IL3RA: variants seen among roughly 807,000 people sequenced by gnomAD.
The protein encoded by IL3RA is interleukin 3 receptor subunit alpha, also known as interleukin-3 receptor subunit alpha.
Under a neutral mutation model 52.3 loss-of-function variants are expected in IL3RA, and 73 were observed. The ratio of observed to expected loss-of-function variants is 1.40; its 90% CI spans 1.16 to 1.70. The LOEUF (loss-of-function observed/expected upper bound fraction) is 1.70. Among genes scored for constraint, IL3RA ranks in the 40% most tolerant of loss-of-function variants. The pLI, the probability that IL3RA is intolerant of heterozygous loss-of-function variation, is 0.00. For missense variants in IL3RA, 664 were observed against 504.4 expected (o/e 1.32, Z -3.03); for synonymous variants, 260 against 194.0 (o/e 1.34, Z -2.83).
At chrX:1,348,728 C>A (rs866980153) in intron 4 of IL3RA, among the ~76,000 whole-genome samples, 183 bp downstream of exon 4, 1 of 57,164 alleles carries the variant, frequency 1.7e-5, no homozygotes, top group South Asian at 5.0e-4. Flanking sequence ...TTCTTCCTTT[C>A]TTTTTCTTTC....
intron 10 of IL3RA, 41 bp downstream of exon 10, chrX:1,378,805 G>C (rs1326989718): frequency 2.6e-6 from 4 of 1,526,620 alleles, no homozygotes; most frequent in African/African-American, 2.7e-5. Context: ...CTTGTTTCCA[G>C]TGTGACCCTG....
chrX:1,377,770 A>T (rs1490198463), intron 9 of IL3RA, among the ~76,000 whole-genome samples: 1 of 147,144 alleles, frequency 6.8e-6, no homozygotes. Flanking sequence ...GGCTCAAGCG[A>T]TCCTCTCGGG....
intron 2 of IL3RA, among the ~76,000 whole-genome samples, chrX:1,343,547 A>G (rs1338108090): frequency 3.3e-5 from 5 of 150,802 alleles, no homozygotes; most frequent in Non-Finnish European, 7.4e-5. Flanking sequence ...TGCACCTGTA[A>G]TCCCTGCTAC....
chrX:1,342,559 C>CTTTTT (rs751414193), intron 2 of IL3RA, among the ~76,000 whole-genome samples: 2 of 111,354 alleles, frequency 1.8e-5, no homozygotes, highest in Non-Finnish European at 3.6e-5. Flanking sequence ...TCTTTAACTT[C>CTTTTT]TTTTTTTTTT....
chrX:1,345,798 CTAA>C (rs1205149914), intron 3 of IL3RA, among the ~76,000 whole-genome samples: 2 of 151,908 alleles, frequency 1.3e-5, no homozygotes, highest in African/African-American at 4.8e-5. Flanking sequence ...CCCAGACTCT[CTAA>C]TGTTGACGAA....
chrX:1,378,575 T>G, intron 9 of IL3RA, 84 bp from the exon 10 acceptor site: 1 of 1,220,666 alleles, frequency 8.2e-7, no homozygotes, highest in South Asian at 1.3e-5. Context: ...CCTCTCTGCT[T>G]CCCAGGGCCC....
In IL3RA at chrX:1,382,498, C is replaced by G. The variant is rs1324045479; in HGVS notation, c.*33C>G. 6.2e-7 allele frequency: 1 copy of G among 1,603,470 alleles called. No individual in the cohort carries two copies. Among genetic ancestry groups the G allele is most frequent in the Non-Finnish European group, 8.5e-7 (1 of 1,170,598 alleles). On this transcript the variant is annotated 3_prime_UTR_variant, in exon 12 of 12. Transcript: ENST00000331035. ...GTTCAGGGCTTGTGGGGGTCTGCCT[C>G]AATCTCCCTGGCCGGGCCAGGCGCC...
intron 3 of IL3RA, 72 bp from the exon 4 acceptor site, chrX:1,348,359 A>AC: frequency 8.0e-7 from 1 of 1,251,974 alleles, no homozygotes; most frequent in Non-Finnish European, 1.2e-6. Flanking sequence ...GCCTCAAAAA[A>AC]AATCTGAACA....
Position 1,352,332 on chromosome X carries a change from C to G in IL3RA, c.442C>G (p.Gln148Glu), listed in dbSNP as rs1479845123. 1 of 1,613,744 alleles carries G rather than the reference C, an allele frequency of 6.2e-7. No individual in the cohort carries two copies. Among genetic ancestry groups the G allele is most frequent in the Non-Finnish European group, 8.5e-7 (1 of 1,179,844 alleles). ...TACCGCTTACCGCAGCAGGCGTCAA[C>G]AGTACGAGTGTCTTCACTACAAAAC... ...LYLNVANRRQ[Q>E]YECLHYKTDA... Residue 148 changes from glutamine (Q) to glutamate (E), a missense_variant, in exon 6 of 12, where the codon CAG becomes GAG. Transcript: ENST00000331035.
chrX:1,347,908 G>A (rs1386810445), intron 3 of IL3RA, among the ~76,000 whole-genome samples: 50 of 151,358 alleles, frequency 3.3e-4, no homozygotes, highest in Non-Finnish European at 5.9e-4. Context: ...GTGGTGGCGG[G>A]CGCCTGTAGT....
At chrX:1,348,224 G>T (rs756047513) in intron 3 of IL3RA, among the ~76,000 whole-genome samples, 8 of 150,088 alleles carry the variant, frequency 5.3e-5, no homozygotes, top group Non-Finnish European at 8.9e-5. Context: ...GTGGTGGCGG[G>T]CACCTGTAAT....
chrX:1,365,520 G>C (rs1340588251), intron 9 of IL3RA, among the ~76,000 whole-genome samples: 1 of 49,760 alleles, frequency 2.0e-5, no homozygotes, highest in East Asian at 4.7e-4. Context: ...CGGGGTGCGC[G>C]GGGTGAGCGG....
At chrX:1,349,357 T>A (rs6422440) in intron 4 of IL3RA, among the ~76,000 whole-genome samples, 3 of 151,454 alleles carry the variant, frequency 2.0e-5, no homozygotes, top group Non-Finnish European at 4.4e-5. Flanking sequence ...AATTCTTGTA[T>A]TTTTAGTAGA....
chrX:1,364,627 C>T (rs1456730673), intron 8 of IL3RA, among the ~76,000 whole-genome samples: 2 of 151,100 alleles, frequency 1.3e-5, no homozygotes, highest in East Asian at 1.9e-4. Flanking sequence ...TGTGTCACCA[C>T]GTCTGGTAAT....
intron 2 of IL3RA, among the ~76,000 whole-genome samples, chrX:1,342,707 T>C (rs1435245945): frequency 6.6e-6 from 1 of 150,976 alleles, no homozygotes; most frequent in East Asian, 2.0e-4. Flanking sequence ...ATTACAGGTG[T>C]CCGCCACCAC....
chrX:1,380,766 G>C (rs1159550213), intron 10 of IL3RA, among the ~76,000 whole-genome samples: 4 of 151,412 alleles, frequency 2.6e-5, no homozygotes, highest in African/African-American at 9.7e-5. Context: ...GAGGCACCAG[G>C]GGTCTGTCTT....
At chrX:1,378,861 G>T (rs752970646) in intron 10 of IL3RA, 97 bp downstream of exon 10, 2 of 1,153,488 alleles carry the variant, frequency 1.7e-6, no homozygotes, top group African/African-American at 1.5e-5. Flanking sequence ...TATTATTTTT[G>T]TGATGGAGTC....
Position 1,382,427 on chromosome X carries a change from T to G in IL3RA, c.1099T>G (p.Cys367Gly). ...GGCGGGCAAAGCCGGCCTGGAGGAG[T>G]GTCTGGTGACTGAAGTACAGGTCGT... Reference protein sequence around the residue: ...WEAGKAGLEECLVTEVQVVQK... With the variant: ...WEAGKAGLEEGLVTEVQVVQK... The change falls in exon 12 of 12, where the codon TGT becomes GGT. Residue 367 changes from cysteine (C) to glycine (G), a missense_variant. By Grantham distance (159) the Cys-to-Gly change is radical. Transcript: ENST00000331035. 6.2e-7 allele frequency: 1 copy of G among 1,613,522 alleles called. No individual in the cohort carries two copies. Among genetic ancestry groups the G allele is most frequent in the Non-Finnish European group, 8.5e-7 (1 of 1,179,712 alleles).
At chrX:1,361,340 T>A (rs1307536103) in intron 8 of IL3RA, among the ~76,000 whole-genome samples, 1 of 152,098 alleles carries the variant, frequency 6.6e-6, no homozygotes, top group Non-Finnish European at 1.5e-5. Flanking sequence ...GACTGGGTAA[T>A]TTATAAACAA....
Sources: gnomAD v4.1 joint callset for allele counts (sites outside exome capture counted in the v4.1 genomes callset) on GRCh38, gnomAD v4.1.1 for gene constraint, MANE v1.5 for transcripts, NCBI Gene and HGNC (gene_info 2026-07-23, HGNC 2026-07-21) for gene names.